Variants in CNTN5 observed in about 807,000 individuals in gnomAD.
CNTN5 encodes the protein contactin-5.
In CNTN5, 77 loss-of-function variants were observed where a neutral mutation model predicts 129.1. That is an observed-to-expected ratio of 0.60 (90% CI 0.50 to 0.72). The LOEUF is 0.72. Among genes scored for constraint, CNTN5 ranks in the 30% least tolerant of loss-of-function variants. The probability of loss-of-function intolerance (pLI) is 0.00; values close to 1 mark genes in which losing one functional copy is unlikely to be tolerated. For synonymous variants in CNTN5, 509 were observed against 465.6 expected, an observed-to-expected ratio of 1.09 and a Z score of -1.20; for missense variants, 1,478 against 1,328.8, an observed-to-expected ratio of 1.11 and a Z score of -1.75.
At chr11:99,942,517 T>C (rs946843471) in intron 7 of CNTN5, among the ~76,000 whole-genome samples, 1 of 152,088 alleles carries the variant, frequency 6.6e-6, no homozygotes, top group African/African-American at 2.4e-5. Flanking sequence ...TGTAAATTAA[T>C]GTGACTTTTT....
chr11:99,217,058 TA>T (rs1860164893), intron 1 of CNTN5, among the ~76,000 whole-genome samples: 1 of 152,154 alleles, frequency 6.6e-6, no homozygotes, highest in Admixed American at 6.5e-5. Flanking sequence ...CATGTGCCTG[TA>T]GTCCCAGCTA....
intron 8 of CNTN5, among the ~76,000 whole-genome samples, chr11:99,993,438 T>G (rs917366704): frequency 6.6e-5 from 10 of 152,160 alleles, no homozygotes; most frequent in African/African-American, 2.4e-4. Context: ...CCAACCATTT[T>G]GGCACCAGGG....
intron 1 of CNTN5, among the ~76,000 whole-genome samples, chr11:99,053,552 C>T (rs923431783): frequency 6.6e-6 from 1 of 151,594 alleles, no homozygotes; most frequent in African/African-American, 2.4e-5. Context: ...TTGAATTATT[C>T]CAAATTGTTT....
chr11:99,498,219 TTA>T (rs1946299673), intron 2 of CNTN5, among the ~76,000 whole-genome samples: 1 of 152,186 alleles, frequency 6.6e-6, no homozygotes, highest in Non-Finnish European at 1.5e-5. Context: ...GTATTGATTT[TTA>T]TAATAAGTAT....
intron 1 of CNTN5, among the ~76,000 whole-genome samples, chr11:99,177,610 G>A (rs1857841455): frequency 6.6e-6 from 1 of 152,208 alleles, no homozygotes; most frequent in Non-Finnish European, 1.5e-5. Flanking sequence ...GGAACAGGCT[G>A]TGTGGGATTA....
chr11:99,248,682 T>C (rs1310480518), intron 1 of CNTN5, among the ~76,000 whole-genome samples: 3 of 152,134 alleles, frequency 2.0e-5, no homozygotes, highest in Non-Finnish European at 4.4e-5. Flanking sequence ...TTTTTACATA[T>C]GGCTAGCCAG....
chr11:100,333,334 C>A (rs1246900651), intron 21 of CNTN5, among the ~76,000 whole-genome samples: 1 of 143,826 alleles, frequency 7.0e-6, no homozygotes, highest in African/African-American at 2.6e-5. Context: ...GTCAAAATGA[C>A]CATACTGCCA....
intron 3 of CNTN5, among the ~76,000 whole-genome samples, chr11:99,642,793 T>G (rs527811855): frequency 3.9e-5 from 6 of 152,206 alleles, no homozygotes; most frequent in Non-Finnish European, 7.3e-5. Context: ...ACTGCTCTAC[T>G]CTGCCTCTGT....
chr11:99,944,835 A>G (rs1950520315), intron 7 of CNTN5, among the ~76,000 whole-genome samples: 1 of 152,160 alleles, frequency 6.6e-6, no homozygotes, highest in African/African-American at 2.4e-5. Context: ...CAAGAACTAC[A>G]AACTACTGCT....
At chr11:99,482,005 T>G (rs1376134866) in intron 2 of CNTN5, among the ~76,000 whole-genome samples, 1 of 152,166 alleles carries the variant, frequency 6.6e-6, no homozygotes, top group Non-Finnish European at 1.5e-5. Context: ...AATTGATACC[T>G]TGCTAAGGTT....
chr11:99,157,942 A>G (rs1046308347), intron 1 of CNTN5, among the ~76,000 whole-genome samples: 3 of 152,150 alleles, frequency 2.0e-5, no homozygotes, highest in Non-Finnish European at 4.4e-5. Context: ...AGGGAGTGGT[A>G]ATCAACTATA....
chr11:99,166,113 A>C (rs906240811), intron 1 of CNTN5, among the ~76,000 whole-genome samples: 1 of 152,178 alleles, frequency 6.6e-6, no homozygotes, highest in African/African-American at 2.4e-5. Context: ...TGTAAAAATG[A>C]GTAATTATGA....
intron 1 of CNTN5, among the ~76,000 whole-genome samples, chr11:99,126,627 G>T (rs946438070): frequency 6.6e-6 from 1 of 152,156 alleles, no homozygotes; most frequent in African/African-American, 2.4e-5. Flanking sequence ...GTCTATTTTA[G>T]GGTGGCAAGT....
chr11:99,420,558 A>T (rs919186018), intron 2 of CNTN5, among the ~76,000 whole-genome samples: 1 of 152,188 alleles, frequency 6.6e-6, no homozygotes, highest in Non-Finnish European at 1.5e-5. Context: ...CAGAACTTGA[A>T]CAACATGTAG....
rs184494182 is a variant in CNTN5 at position 99,582,753 on chromosome 11, T to A, written c.55+26484T>A. Among the ~76,000 whole-genome samples, 899 of 152,248 alleles carry A rather than the reference T, an allele frequency of 5.9e-3. 8 individuals are homozygous for A. The highest frequency in any genetic ancestry group is 0.02 in the African/African-American group (834 of 41,532). ...AATTTTTTTCAAAGTTTTTAACTTC[T>A]TTGCCATTGGTTCAGACTTCCTCCT... On this transcript the variant is annotated intron_variant, in intron 3 of 24. Transcript: ENST00000524871.
intron 2 of CNTN5, among the ~76,000 whole-genome samples, chr11:99,525,423 C>A (rs1565260801): frequency 6.6e-6 from 1 of 152,092 alleles, no homozygotes; most frequent in Non-Finnish European, 1.5e-5. Context: ...ACTTCTAGTG[C>A]ACAGATGAAT....
At chr11:99,082,383 C>T (rs1865839648) in intron 1 of CNTN5, among the ~76,000 whole-genome samples, 1 of 152,070 alleles carries the variant, frequency 6.6e-6, no homozygotes, top group Admixed American at 6.6e-5. Flanking sequence ...CGGGGTTTCA[C>T]CATGTTGGCC....
At chr11:100,116,292 G>C (rs1297318098) in intron 13 of CNTN5, among the ~76,000 whole-genome samples, 1 of 151,974 alleles carries the variant, frequency 6.6e-6, no homozygotes, top group East Asian at 1.9e-4. Flanking sequence ...TTACCTTGCT[G>C]AGGGCAAAAC....
intron 21 of CNTN5, among the ~76,000 whole-genome samples, chr11:100,334,637 G>A (rs1951989473): frequency 6.6e-6 from 1 of 152,114 alleles, no homozygotes; most frequent in Non-Finnish European, 1.5e-5. Context: ...ACAGCAACCT[G>A]GGTGGAAATG....
Sources: allele counts gnomAD v4.1 joint callset (sites outside exome capture counted in the v4.1 genomes callset), GRCh38; gene constraint gnomAD v4.1.1; transcripts MANE v1.5; gene names NCBI Gene and HGNC (gene_info 2026-07-23, HGNC 2026-07-21).